WDR7: variants seen among roughly 807,000 people sequenced by gnomAD.
WDR7 encodes WD repeat-containing protein 7.
A neutral mutation model predicts 169.4 loss-of-function variants in WDR7; 46 were observed. That is an observed-to-expected ratio of 0.27 (90% CI 0.21 to 0.35). The LOEUF is 0.35. WDR7 is among the 10% of genes least tolerant of loss of function. WDR7 has a pLI of 1.00. For missense variants in WDR7, 1,534 were observed against 1,859.3 expected, an observed-to-expected ratio of 0.83 and a Z score of 3.22; for synonymous variants, 612 against 666.8, an observed-to-expected ratio of 0.92 and a Z score of 1.27.
intron 20 of WDR7, among the ~76,000 whole-genome samples, chr18:56,831,287 CAA>C (rs1329445376): frequency 6.6e-6 from 1 of 152,024 alleles, no homozygotes; most frequent in Non-Finnish European, 1.5e-5. Context: ...TCAGGACTAA[CAA>C]GAGGGGATGC....
intron 12 of WDR7, among the ~76,000 whole-genome samples, chr18:56,698,216 G>C (rs1156250660): frequency 1.3e-5 from 2 of 151,824 alleles, no homozygotes; most frequent in African/African-American, 4.8e-5. Context: ...AGTTTGGAAT[G>C]GCTTACACAA....
intron 14 of WDR7, among the ~76,000 whole-genome samples, chr18:56,742,750 G>A (rs1279303410): frequency 6.6e-6 from 1 of 152,150 alleles, no homozygotes; most frequent in African/African-American, 2.4e-5. Flanking sequence ...ATTCAAGGAT[G>A]AGTAGATATA....
intron 26 of WDR7, among the ~76,000 whole-genome samples, chr18:57,001,827 G>A (rs144780945): frequency 3.9e-5 from 6 of 152,144 alleles, no homozygotes; most frequent in Non-Finnish European, 8.8e-5. Flanking sequence ...TTAGCATCAC[G>A]TTTATGTTTA....
At chr18:56,766,067 T>A (rs1481911850) in intron 16 of WDR7, among the ~76,000 whole-genome samples, 2 of 152,078 alleles carry the variant, frequency 1.3e-5, no homozygotes, top group Non-Finnish European at 2.9e-5. Flanking sequence ...ACTTTTTATA[T>A]CTTTTAATGC....
chr18:57,016,310 T>A (rs149616033), intron 26 of WDR7, among the ~76,000 whole-genome samples: 2 of 152,302 alleles, frequency 1.3e-5, no homozygotes, highest in East Asian at 3.9e-4. Context: ...AATACATGGG[T>A]CAGTACTTTA....
chr18:56,662,492 A>T (rs1353556694), intron 1 of WDR7, among the ~76,000 whole-genome samples: 4 of 152,252 alleles, frequency 2.6e-5, no homozygotes, highest in African/African-American at 9.6e-5. Context: ...AGTGAAAGTA[A>T]TCTGGTAGTC....
chr18:56,954,328 T>C (rs1177987922), intron 25 of WDR7, among the ~76,000 whole-genome samples: 3 of 152,208 alleles, frequency 2.0e-5, no homozygotes, highest in African/African-American at 2.4e-5. Context: ...AAATTATTTC[T>C]TACTAACAGT....
intron 26 of WDR7, among the ~76,000 whole-genome samples, chr18:56,991,582 A>T (rs2145859692): frequency 6.6e-6 from 1 of 152,334 alleles, no homozygotes; most frequent in East Asian, 1.9e-4. Flanking sequence ...CATTATGTGG[A>T]CCAAACAAAA....
intron 14 of WDR7, among the ~76,000 whole-genome samples, chr18:56,732,028 G>A (rs1169566349): frequency 6.6e-6 from 1 of 152,182 alleles, no homozygotes; most frequent in Admixed American, 6.5e-5. Flanking sequence ...AAGGTTAAGC[G>A]ATTGTAAAGA....
chr18:56,808,741 A>G (rs976195530), intron 19 of WDR7, among the ~76,000 whole-genome samples: 2 of 152,184 alleles, frequency 1.3e-5, no homozygotes, highest in South Asian at 4.1e-4. Flanking sequence ...TTACAAGCTT[A>G]TGAAAGATAA....
chr18:56,663,669 A>G (rs2024958089), intron 1 of WDR7, among the ~76,000 whole-genome samples: 1 of 151,144 alleles, frequency 6.6e-6, no homozygotes, highest in Admixed American at 6.6e-5. Context: ...CACAGCATAT[A>G]TACATATATA....
At chr18:56,688,355 G>A (rs890444952) in intron 7 of WDR7, among the ~76,000 whole-genome samples, 4 of 152,138 alleles carry the variant, frequency 2.6e-5, no homozygotes, top group Non-Finnish European at 4.4e-5. Flanking sequence ...AAAGCTAGCT[G>A]CTGCTTGCTT....
chr18:56,948,027 T>C (rs1343859979), intron 25 of WDR7, among the ~76,000 whole-genome samples: 1 of 151,954 alleles, frequency 6.6e-6, no homozygotes, highest in African/African-American at 2.4e-5. Context: ...GCATGACAAA[T>C]AAAGGATTAG....
chr18:57,033,167 G>A (rs1271106363), downstream of WDR7: 1 of 152,062 alleles, frequency 6.6e-6, no homozygotes, highest in African/African-American at 2.4e-5. Context: ...TAACACTATG[G>A]AATAAGTGCT....
intron 19 of WDR7, among the ~76,000 whole-genome samples, chr18:56,800,778 A>C (rs2044659324): frequency 6.6e-6 from 1 of 151,980 alleles, no homozygotes. Flanking sequence ...TTTTTTCTTA[A>C]AGCACTTTCT....
At chr18:57,020,937 C>T in intron 27 of WDR7, 88 bp downstream of exon 27, 3 of 1,187,208 alleles carry the variant, frequency 2.5e-6, no homozygotes, top group South Asian at 1.3e-5. Context: ...ACCTGCCGGC[C>T]CTCCTTCCTG....
chr18:56,913,112 G>A (rs11874991), intron 21 of WDR7, among the ~76,000 whole-genome samples: 4 of 151,922 alleles, frequency 2.6e-5, no homozygotes, highest in Non-Finnish European at 4.4e-5. Flanking sequence ...GAGCTCAAAC[G>A]ATCCTCTCAC....
At chr18:56,809,630 G>T (rs568583886) in intron 19 of WDR7, among the ~76,000 whole-genome samples, 1 of 151,782 alleles carries the variant, frequency 6.6e-6, no homozygotes, top group East Asian at 1.9e-4. Flanking sequence ...ATTTTCTTTG[G>T]TAGTGGATAG....
At chr18:56,771,167 G>T (rs1018324378) in intron 16 of WDR7, among the ~76,000 whole-genome samples, 4 of 152,072 alleles carry the variant, frequency 2.6e-5, no homozygotes, top group Non-Finnish European at 4.4e-5. Context: ...CTTTAACATT[G>T]TGTAAGTAGC....
Sources: gnomAD v4.1 joint callset for allele counts (sites outside exome capture counted in the v4.1 genomes callset) on GRCh38, gnomAD v4.1.1 for gene constraint, MANE v1.5 for transcripts, NCBI Gene and HGNC (gene_info 2026-07-23, HGNC 2026-07-21) for gene names.